CSRNP3: variants seen among roughly 807,000 people sequenced by gnomAD.
The protein encoded by CSRNP3 is cysteine and serine rich nuclear protein 3.
CSRNP3 carries 12 observed loss-of-function variants against 48.0 expected under a neutral mutation model. The ratio of observed to expected loss-of-function variants is 0.25; its 90% confidence interval spans 0.16 to 0.41. The LOEUF is 0.41. Ranked by LOEUF, CSRNP3 falls within the 10% of genes least tolerant of loss-of-function variation. The pLI, the probability that CSRNP3 is intolerant of heterozygous loss-of-function variation, is 1.00. For synonymous variants in CSRNP3, 263 were observed against 269.7 expected (o/e 0.98, Z 0.24); for missense variants, 580 against 724.4 (o/e 0.80, Z 2.29).
intron 4 of CSRNP3, among the ~76,000 whole-genome samples, chr2:165,654,129 C>CA (rs1178855646): frequency 6.6e-6 from 1 of 151,176 alleles, no homozygotes; most frequent in Non-Finnish European, 1.5e-5. Flanking sequence ...ATATCAAGAG[C>CA]AAAAAAGATA....
chr2:165,471,128 A>G (rs1304328462), intron 1 of CSRNP3, among the ~76,000 whole-genome samples: 1 of 151,986 alleles, frequency 6.6e-6, no homozygotes, highest in Non-Finnish European at 1.5e-5. Flanking sequence ...ATCTAAATGA[A>G]TTGAGAATTA....
chr2:165,669,949 G>A lies in CSRNP3; in HGVS notation c.409-6363G>A, dbSNP rs533710028. Among the ~76,000 whole-genome samples, 4 of 152,240 alleles carry A rather than the reference G, an allele frequency of 2.6e-5. No homozygotes were observed. The East Asian group carries it at 5.8e-4, about 22-fold the overall frequency. ...ATGATTAAGTCAAATCATAAATTAA[G>A]TCAGTATTCATCACCTGTAAACTAG... On this transcript the variant is annotated intron_variant, in intron 5 of 6. Coordinates refer to ENST00000651982, the MANE Select transcript of CSRNP3 (RefSeq NM_001172173.2).
chr2:165,656,864 A>G (rs2054026), intron 4 of CSRNP3, among the ~76,000 whole-genome samples: 39,692 of 152,142 alleles, frequency 0.26, 5,799 homozygotes, highest in Non-Finnish European at 0.33. Context: ...ATTATAGTAT[A>G]ATACAACTCC....
chr2:165,549,236 C>T (rs149623312), intron 3 of CSRNP3, among the ~76,000 whole-genome samples: 1,649 of 152,132 alleles, frequency 0.011, 17 homozygotes, highest in Non-Finnish European at 0.017. Context: ...ATCTATACCT[C>T]AGAACCCTGT....
chr2:165,549,012 C>CTTTT (rs5836044), intron 3 of CSRNP3, among the ~76,000 whole-genome samples: 1 of 143,192 alleles, frequency 7.0e-6, no homozygotes. Context: ...GAGGTAATGT[C>CTTTT]TTTTTTTTTT....
chr2:165,593,712 G>A (rs1166775586), intron 3 of CSRNP3, among the ~76,000 whole-genome samples: 2 of 152,180 alleles, frequency 1.3e-5, no homozygotes, highest in Admixed American at 1.3e-4. Flanking sequence ...TTATAGGATT[G>A]ACTATACTCT....
chr2:165,507,585 A>T (rs1684444345), intron 2 of CSRNP3, among the ~76,000 whole-genome samples: 1 of 152,166 alleles, frequency 6.6e-6, no homozygotes, highest in South Asian at 2.1e-4. Context: ...GATATCCAGA[A>T]TGGATATCAT....
chr2:165,498,494 G>A (rs976363424), intron 2 of CSRNP3, among the ~76,000 whole-genome samples: 2 of 152,050 alleles, frequency 1.3e-5, no homozygotes. Flanking sequence ...TCACTTAGTC[G>A]CAGCTTCTGA....
chr2:165,636,969 C>T (rs1179044191), intron 4 of CSRNP3, among the ~76,000 whole-genome samples: 1 of 152,084 alleles, frequency 6.6e-6, no homozygotes. Flanking sequence ...CACAATGTCC[C>T]AGGTGTCATG....
chr2:165,672,596 A>G (rs1037207087), intron 5 of CSRNP3, among the ~76,000 whole-genome samples: 4 of 152,166 alleles, frequency 2.6e-5, no homozygotes, highest in South Asian at 2.1e-4. Flanking sequence ...TTGGTTGGGG[A>G]CACAGCCAGA....
intron 5 of CSRNP3, among the ~76,000 whole-genome samples, chr2:165,663,298 T>C (rs183525919): frequency 2.7e-3 from 407 of 152,328 alleles, no homozygotes; most frequent in Admixed American, 4.1e-3. Flanking sequence ...CTGGTCATGA[T>C]ATGTTTGAAC....
At chr2:165,526,651 A>G (rs1264448902) in intron 3 of CSRNP3, among the ~76,000 whole-genome samples, 3 of 152,186 alleles carry the variant, frequency 2.0e-5, no homozygotes, top group Non-Finnish European at 2.9e-5. Flanking sequence ...CTACTGTCCA[A>G]TTATCTGTGA....
intron 4 of CSRNP3, among the ~76,000 whole-genome samples, chr2:165,621,638 A>G (rs370074923): frequency 2.6e-5 from 4 of 152,208 alleles, no homozygotes; most frequent in Non-Finnish European, 5.9e-5. Flanking sequence ...TGTAGAAAAT[A>G]ATATAGTTTT....
chr2:165,526,839 C>T (rs968519543), intron 3 of CSRNP3, among the ~76,000 whole-genome samples: 4 of 152,098 alleles, frequency 2.6e-5, no homozygotes, highest in Admixed American at 6.5e-5. Flanking sequence ...GAATTTGGTT[C>T]AACTTTTCTA....
rs146478235 is a variant in CSRNP3 at position 165,561,896 on chromosome 2, A to G, written c.-23-33147A>G. On this transcript the variant is annotated intron_variant, in intron 3 of 6. Transcript: ENST00000651982. ...GTCTTAATAAGTATTTATTATGTTA[A>G]ATACTAATAAAGTCCAGTGAAATTA... 2.1e-3 allele frequency among the ~76,000 whole-genome samples: 325 copies of G among 152,244 alleles called. 1 individual carries two copies. The highest frequency in any genetic ancestry group is 3.4e-3 in the Non-Finnish European group (234 of 67,996).
chr2:165,617,684 C>A (rs1450514337), intron 4 of CSRNP3, among the ~76,000 whole-genome samples: 3 of 152,218 alleles, frequency 2.0e-5, no homozygotes, highest in Non-Finnish European at 2.9e-5. Context: ...TACGCATATG[C>A]AGGTGTGTGG....
At chr2:165,562,581 G>T (rs555010198) in intron 3 of CSRNP3, among the ~76,000 whole-genome samples, 15 of 152,126 alleles carry the variant, frequency 9.9e-5, no homozygotes, top group Non-Finnish European at 1.9e-4. Flanking sequence ...TGTCCTCTGA[G>T]CAATTTGAAT....
At chr2:165,473,461 A>G (rs1306355900) in intron 1 of CSRNP3, among the ~76,000 whole-genome samples, 2 of 152,090 alleles carry the variant, frequency 1.3e-5, no homozygotes, top group African/African-American at 4.8e-5. Flanking sequence ...TAATATTCAA[A>G]TTGTGCTGTA....
chr2:165,507,700 C>A (rs1684447465), intron 2 of CSRNP3, among the ~76,000 whole-genome samples: 1 of 152,126 alleles, frequency 6.6e-6, no homozygotes, highest in African/African-American at 2.4e-5. Context: ...TGATTATATA[C>A]CCTTCTGTCT....
Sources: allele counts gnomAD v4.1 joint callset (sites outside exome capture counted in the v4.1 genomes callset), GRCh38; gene constraint gnomAD v4.1.1; transcripts MANE v1.5; gene names NCBI Gene and HGNC (gene_info 2026-07-23, HGNC 2026-07-21).